Variants in UTP18 observed in about 807,000 individuals in gnomAD.
UTP18 encodes U3 small nucleolar RNA-associated protein 18 homolog.
In UTP18, 36 loss-of-function variants were observed where a neutral mutation model predicts 61.1. The ratio of observed to expected loss-of-function variants is 0.59; its 90% CI spans 0.45 to 0.78. The LOEUF is 0.78. UTP18 is among the 30% of genes least tolerant of loss of function. UTP18 has a pLI of 0.00. For synonymous variants in UTP18, 282 were observed against 251.1 expected, an observed-to-expected ratio of 1.12 and a Z score of -1.16; for missense variants, 753 against 693.9, an observed-to-expected ratio of 1.09 and a Z score of -0.96.
chr17:51,289,200 GTT>G (rs34538423), intron 11 of UTP18, among the ~76,000 whole-genome samples: 54,327 of 137,454 alleles, frequency 0.4, 11,256 homozygotes, highest in East Asian at 0.6. Context: ...TGTTTTTTTT[GTT>G]TTTTTTTTTT....
intron 12 of UTP18, among the ~76,000 whole-genome samples, chr17:51,294,708 G>A (rs1193055422): frequency 6.6e-6 from 1 of 151,972 alleles, no homozygotes; most frequent in East Asian, 1.9e-4. Flanking sequence ...AATCCTTTGG[G>A]TATATACCCA....
chr17:51,265,841 C>T (rs1030688550), intron 2 of UTP18, among the ~76,000 whole-genome samples: 3 of 152,128 alleles, frequency 2.0e-5, no homozygotes, highest in Non-Finnish European at 4.4e-5. Context: ...GGATTACAGG[C>T]GTGAGCCACC....
Position 51,289,099 on chromosome 17 carries a change from A to G in UTP18, c.1503+896A>G, listed in dbSNP as rs918501251. On this transcript the variant is annotated intron_variant, in intron 11 of 13. Transcript: ENST00000225298. ...TTAGGCACAGTGAGCTACCCATATC[A>G]TTTAGGGAAAGTTTCATGCCAGTAT... Among the ~76,000 whole-genome samples, 6 of 152,146 alleles carry G rather than the reference A, an allele frequency of 3.9e-5. No individual in the cohort carries two copies. In the South Asian group the frequency reaches 8.3e-4, roughly 21 times the overall value.
At chr17:51,282,988 C>G (rs1904994375) in intron 9 of UTP18, among the ~76,000 whole-genome samples, 1 of 151,414 alleles carries the variant, frequency 6.6e-6, no homozygotes, top group African/African-American at 2.4e-5. Context: ...CCTGCCTCAG[C>G]CTCCTGAGTA....
chr17:51,295,593 G>A (rs910580718), intron 12 of UTP18, among the ~76,000 whole-genome samples: 54 of 152,250 alleles, frequency 3.5e-4, no homozygotes, highest in African/African-American at 1.3e-3. Context: ...TGCTGTTTTG[G>A]TTACTGTAGC....
chr17:51,280,271 G>GGGAAAA, intron 8 of UTP18, 118 bp from the exon 9 acceptor site: 1 of 1,334,974 alleles, frequency 7.5e-7, no homozygotes. Context: ...TTTGATTACA[G>GGGAAAA]GGAAAAATAA....
chr17:51,269,038 G>A, intron 4 of UTP18, 134 bp downstream of exon 4: 1 of 841,046 alleles, frequency 1.2e-6, no homozygotes, highest in East Asian at 2.9e-5. Flanking sequence ...TGTCATCCCA[G>A]TGCTTTGGGA....
intron 1 of UTP18, among the ~76,000 whole-genome samples, chr17:51,262,050 C>T (rs770315404): frequency 1.3e-5 from 2 of 151,882 alleles, no homozygotes; most frequent in Non-Finnish European, 2.9e-5. Context: ...TTTTGGGAAG[C>T]TCAAACTCAC....
intron 10 of UTP18, chr17:51,286,582 G>A (rs776785125): frequency 2.2e-6 from 1 of 456,254 alleles, no homozygotes; most frequent in Non-Finnish European, 4.4e-6. Flanking sequence ...GGAGCTTGGA[G>A]ACCAGGCCAT....
intron 4 of UTP18, among the ~76,000 whole-genome samples, chr17:51,272,115 T>C (rs575204480): frequency 2.6e-5 from 4 of 152,244 alleles, no homozygotes; most frequent in South Asian, 2.1e-4. Context: ...TTGTGTTTTT[T>C]TGAGACAGAG....
chr17:51,292,821 C>T (rs1905268948), intron 11 of UTP18, among the ~76,000 whole-genome samples: 1 of 152,180 alleles, frequency 6.6e-6, no homozygotes, highest in Non-Finnish European at 1.5e-5. Context: ...GTGTGTGTTC[C>T]TCCTCATACT....
At position 51,260,564 on chromosome 17, in the gene UTP18, C is replaced by A. The variant is rs764846155; in HGVS notation, c.-21C>A. 4.1e-5 allele frequency: 65 copies of A among 1,601,646 alleles called. No individual in the cohort carries two copies. The Middle Eastern group carries it at 6.8e-4, about 17-fold the overall frequency. On this transcript the variant is annotated 5_prime_UTR_variant, in exon 1 of 14. Transcript: ENST00000225298. The stretch of plus-strand genomic sequence containing the variant: ...CAGCGAGGTTCCACGTGAGCGCCTG[C>A]GTTTCTCCTCAAACCTAACGATGCC...
At chr17:51,286,389 T>C (rs920384827) in intron 10 of UTP18, 13 of 434,992 alleles carry the variant, frequency 3.0e-5, no homozygotes, top group African/African-American at 2.2e-4. Context: ...ATGAAATGAT[T>C]TCAGTCAAAT....
chr17:51,291,521 G>C (rs1905238289), intron 11 of UTP18, among the ~76,000 whole-genome samples: 1 of 152,070 alleles, frequency 6.6e-6, no homozygotes, highest in South Asian at 2.1e-4. Context: ...GATCACTTGA[G>C]GCCAGGAGTT....
chr17:51,262,380 G>A (rs1023479128), intron 1 of UTP18, among the ~76,000 whole-genome samples: 10 of 152,154 alleles, frequency 6.6e-5, no homozygotes, highest in Non-Finnish European at 1.0e-4. Context: ...CACCGCACCC[G>A]GCCTAGGTTT....
At chr17:51,285,656 C>T (rs1905082229) in intron 10 of UTP18, among the ~76,000 whole-genome samples, 2 of 152,282 alleles carry the variant, frequency 1.3e-5, no homozygotes, top group South Asian at 4.1e-4. Flanking sequence ...AGCAAGAGAC[C>T]ACATTCACGT....
chr17:51,291,139 A>G (rs1221380857), intron 11 of UTP18, among the ~76,000 whole-genome samples: 1 of 152,222 alleles, frequency 6.6e-6, no homozygotes, highest in Non-Finnish European at 1.5e-5. Flanking sequence ...CACGCCTGTA[A>G]TCCCAGCACT....
At chr17:51,293,250 C>T (rs542076460) in intron 11 of UTP18, among the ~76,000 whole-genome samples, 8 of 152,202 alleles carry the variant, frequency 5.3e-5, no homozygotes, top group South Asian at 4.1e-4. Context: ...GCTGTACTGA[C>T]GCTTTTTTCT....
intron 12 of UTP18, among the ~76,000 whole-genome samples, chr17:51,295,072 T>C (rs1050460827): frequency 5.3e-5 from 8 of 152,228 alleles, no homozygotes; most frequent in Non-Finnish European, 1.2e-4. Flanking sequence ...TAAATTTGTT[T>C]GAGTTCATTG....
Sources: gnomAD v4.1 joint callset for allele counts (sites outside exome capture counted in the v4.1 genomes callset) on GRCh38, gnomAD v4.1.1 for gene constraint, MANE v1.5 for transcripts, NCBI Gene and HGNC (gene_info 2026-07-23, HGNC 2026-07-21) for gene names.